LGR4: variants seen among roughly 807,000 people sequenced by gnomAD.
The protein encoded by LGR4 is leucine rich repeat containing G protein-coupled receptor 4.
A neutral mutation model predicts 84.8 loss-of-function variants in LGR4; 44 were observed. The ratio of observed to expected loss-of-function variants is 0.52; its 90% CI spans 0.41 to 0.67. The LOEUF (loss-of-function observed/expected upper bound fraction) is 0.67. Ranked by LOEUF, LGR4 falls within the 30% of genes least tolerant of loss-of-function variation. LGR4 has a pLI of 0.00. For synonymous variants in LGR4, 429 were observed against 434.3 expected (o/e 0.99, Z 0.15); for missense variants, 1,032 against 1,131.4 (o/e 0.91, Z 1.26).
intron 1 of LGR4, among the ~76,000 whole-genome samples, chr11:27,424,068 G>C (rs560238982): frequency 1.3e-5 from 2 of 152,234 alleles, no homozygotes; most frequent in South Asian, 4.1e-4. Context: ...CAGTTGATCT[G>C]GTGTTTTATT....
intron 1 of LGR4, among the ~76,000 whole-genome samples, chr11:27,429,089 G>A (rs1429001122): frequency 6.6e-6 from 1 of 152,116 alleles, no homozygotes; most frequent in East Asian, 1.9e-4. Flanking sequence ...GGGCAACACG[G>A]AGCATTAAAA....
intron 2 of LGR4, among the ~76,000 whole-genome samples, chr11:27,395,134 T>C (rs535016263): frequency 1.3e-5 from 2 of 152,194 alleles, no homozygotes; most frequent in East Asian, 1.9e-4. Context: ...AATTGCACCA[T>C]AAAAGCCATA....
At chr11:27,435,915 CT>C (rs869261031) in intron 1 of LGR4, among the ~76,000 whole-genome samples, 333 of 144,462 alleles carry the variant, frequency 2.3e-3, no homozygotes, top group Middle Eastern at 7.1e-3. Flanking sequence ...AATGGAACTT[CT>C]TTTTTTTTTT....
chr11:27,431,867 G>A (rs1361658385), intron 1 of LGR4, among the ~76,000 whole-genome samples: 1 of 152,148 alleles, frequency 6.6e-6, no homozygotes, highest in African/African-American at 2.4e-5. Flanking sequence ...TTCCACAGAT[G>A]GATTAAATTC....
intron 10 of LGR4, chr11:27,379,021 G>A: frequency 6.2e-6 from 3 of 480,482 alleles, no homozygotes; most frequent in Non-Finnish European, 1.1e-5. Flanking sequence ...ACATGGACCA[G>A]GAGGAAAACA....
At chr11:27,468,680 C>T (rs998825960) in intron 1 of LGR4, among the ~76,000 whole-genome samples, 1 of 147,132 alleles carries the variant, frequency 6.8e-6, no homozygotes, top group Non-Finnish European at 1.5e-5. Context: ...CTTCACTTTT[C>T]AGATGAGGAA....
chr11:27,457,083 C>G (rs1376607138), intron 1 of LGR4, among the ~76,000 whole-genome samples: 2 of 152,174 alleles, frequency 1.3e-5, no homozygotes, highest in African/African-American at 4.8e-5. Context: ...CTGAGCTTCA[C>G]AAACTACCAC....
Position 27,369,098 on chromosome 11 carries a change from C to A in LGR4, c.1625G>T (p.Arg542Leu), listed in dbSNP as rs200626048. The stretch of plus-strand genomic sequence containing the variant: ...CAAGAAAATGAACCACACAGTAAGA[C>A]GAATCATCCAGCTTCCCAGTAAATA... ...CEYLLGSWMI[R>L]LTVWFIFLVA... Residue 542 changes from arginine (R) to leucine (L), a missense_variant, in exon 18 of 18, where the codon CGT (arginine) becomes CTT (leucine). By Grantham distance (102) the Arg-to-Leu change is moderately radical (BLOSUM62 -2). Transcript: ENST00000379214. 3.7e-6 allele frequency: 6 copies of A among 1,611,798 alleles called. No individual in the cohort carries two copies. The highest frequency in any genetic ancestry group is 1.3e-5 in the African/African-American group (1 of 74,754).
chr11:27,457,100 A>G (rs965413009), intron 1 of LGR4, among the ~76,000 whole-genome samples: 3 of 152,096 alleles, frequency 2.0e-5, no homozygotes, highest in Non-Finnish European at 4.4e-5. Context: ...CCACCCACTA[A>G]CTGTGGGATA....
intron 2 of LGR4, among the ~76,000 whole-genome samples, chr11:27,394,721 C>A (rs1341575947): frequency 1.3e-5 from 2 of 152,128 alleles, no homozygotes; most frequent in Admixed American, 1.3e-4. Context: ...CCCTTAAACA[C>A]CCAACTGCAA....
intron 1 of LGR4, among the ~76,000 whole-genome samples, chr11:27,469,585 T>C (rs1454149425): frequency 1.3e-5 from 2 of 152,076 alleles, no homozygotes; most frequent in African/African-American, 4.8e-5. Context: ...CCAGGGAAGG[T>C]GAAAGCACTA....
At chr11:27,385,526 C>A in intron 4 of LGR4, 58 bp from the exon 5 acceptor site, 1 of 1,082,772 alleles carries the variant, frequency 9.2e-7, no homozygotes, top group South Asian at 1.6e-5. Context: ...TGAGTCAGTT[C>A]AAGTCTCACA....
chr11:27,461,101 T>C (rs903346851), intron 1 of LGR4, among the ~76,000 whole-genome samples: 3 of 152,222 alleles, frequency 2.0e-5, no homozygotes, highest in Admixed American at 2.0e-4. Flanking sequence ...GAATGTCATA[T>C]AAACTTTTTA....
At chr11:27,373,752 C>G (rs1038551757) in intron 14 of LGR4, 76 bp from the exon 15 acceptor site, 2 of 1,327,264 alleles carry the variant, frequency 1.5e-6, no homozygotes, top group African/African-American at 1.5e-5. Flanking sequence ...GTATTAACAT[C>G]ATAAATATTA....
intron 9 of LGR4, 134 bp from the exon 10 acceptor site, chr11:27,380,473 T>C: frequency 4.1e-6 from 3 of 737,838 alleles, no homozygotes; most frequent in Non-Finnish European, 6.6e-6. Context: ...CTTGAAAGTA[T>C]GATAATGTGG....
chr11:27,396,719 A>G (rs1863397479), intron 2 of LGR4, among the ~76,000 whole-genome samples: 2 of 152,156 alleles, frequency 1.3e-5, no homozygotes, highest in Admixed American at 1.3e-4. Context: ...TGCCCTCAGA[A>G]AACCTTTTTC....
At chr11:27,469,559 C>G (rs554330278) in intron 1 of LGR4, among the ~76,000 whole-genome samples, 1 of 152,064 alleles carries the variant, frequency 6.6e-6, no homozygotes, top group Non-Finnish European at 1.5e-5. Flanking sequence ...GTGAAATGCA[C>G]CCCCCACCCC....
intron 1 of LGR4, among the ~76,000 whole-genome samples, chr11:27,454,761 C>CAA (rs59633176): frequency 6.0e-4 from 65 of 108,808 alleles, no homozygotes; most frequent in African/African-American, 2.3e-3. Flanking sequence ...GACTCTGTCT[C>CAA]AAAAAAAAAA....
chr11:27,373,840 A>C (rs1188468249), intron 14 of LGR4, 135 bp downstream of exon 14: 6 of 973,946 alleles, frequency 6.2e-6, no homozygotes, highest in Non-Finnish European at 7.8e-6. Context: ...GAAGACTTTT[A>C]CTATAAATAC....
Sources: allele counts gnomAD v4.1 joint callset (sites outside exome capture counted in the v4.1 genomes callset), GRCh38; gene constraint gnomAD v4.1.1; transcripts MANE v1.5; gene names NCBI Gene and HGNC (gene_info 2026-07-23, HGNC 2026-07-21).